NYAP2: variants seen among roughly 807,000 people sequenced by gnomAD.
NYAP2 encodes neuronal tyrosine-phosphorylated phosphoinositide-3-kinase adapter 2.
In NYAP2, 23 loss-of-function variants were observed where a neutral mutation model predicts 50.4. The ratio of observed to expected loss-of-function variants is 0.46; its 90% CI spans 0.33 to 0.65. The LOEUF (loss-of-function observed/expected upper bound fraction) is 0.65. Among genes scored for constraint, NYAP2 ranks in the 30% least tolerant of loss-of-function variants. The pLI is 0.02. For synonymous variants in NYAP2, 394 were observed against 365.2 expected (o/e 1.08, Z -0.90); for missense variants, 885 against 861.0 (o/e 1.03, Z -0.35).
chr2:225,517,409 T>G (rs1203864357), intron 4 of NYAP2, among the ~76,000 whole-genome samples: 1 of 152,116 alleles, frequency 6.6e-6, no homozygotes, highest in African/African-American at 2.4e-5. Context: ...TCCCCATTCC[T>G]CAGGTAAACA....
intron 3 of NYAP2, among the ~76,000 whole-genome samples, chr2:225,429,886 C>G (rs982835101): frequency 2.0e-5 from 3 of 152,210 alleles, no homozygotes; most frequent in African/African-American, 7.2e-5. Context: ...CCCAGCGTCA[C>G]ATGGTGCACA....
chr2:225,413,099 C>T (rs1262610120), intron 3 of NYAP2, among the ~76,000 whole-genome samples: 1 of 152,068 alleles, frequency 6.6e-6, no homozygotes, highest in Non-Finnish European at 1.5e-5. Flanking sequence ...TCCTACTCTC[C>T]CTCCCCCAAC....
At chr2:225,680,882 G>A in the NYAP2 span, among the ~76,000 whole-genome samples, 3 of 152,148 alleles carry the variant, frequency 2.0e-5, no homozygotes, top group African/African-American at 7.2e-5. Context: ...TTAAAGGTAT[G>A]ATGTATACTA....
intron 3 of NYAP2, among the ~76,000 whole-genome samples, chr2:225,438,850 G>A (rs1455461167): frequency 1.3e-5 from 2 of 152,180 alleles, no homozygotes; most frequent in South Asian, 2.1e-4. Context: ...AATACATAAA[G>A]TAAGACCTAC....
intron 5 of NYAP2, among the ~76,000 whole-genome samples, chr2:225,617,707 G>A (rs1455346016): frequency 6.6e-6 from 1 of 152,062 alleles, no homozygotes. Flanking sequence ...AACATTTATG[G>A]CTTAAGAAAA....
chr2:225,422,926 AT>A lies in NYAP2; in HGVS notation c.221+13826del, dbSNP rs1386526917. ...CTAGCTATCAGAAGCTCTCATTATT[AT>A]AAACAGATGTTATTAAAAGACACTA... On this transcript the variant is annotated intron_variant, in intron 3 of 6. Coordinates refer to ENST00000636099, the Ensembl canonical transcript of NYAP2. Among the ~76,000 whole-genome samples, 5 of 152,168 alleles carry A rather than the reference AT, an allele frequency of 3.3e-5. No individual in the cohort carries two copies. The East Asian group carries it at 9.6e-4, about 29-fold the overall frequency.
At chr2:225,492,000 C>T (rs1690415791) in intron 3 of NYAP2, among the ~76,000 whole-genome samples, 1 of 152,080 alleles carries the variant, frequency 6.6e-6, no homozygotes, top group African/African-American at 2.4e-5. Context: ...GGTGGTATGA[C>T]CCAAGGGGTG....
At chr2:225,624,984 A>G (rs551401886) in intron 5 of NYAP2, among the ~76,000 whole-genome samples, 138 of 149,676 alleles carry the variant, frequency 9.2e-4, no homozygotes, top group Non-Finnish European at 3.4e-4. Context: ...ATGGTGAACC[A>G]AAGTGTGACA....
intron 3 of NYAP2, among the ~76,000 whole-genome samples, chr2:225,512,206 T>A (rs1471035595): frequency 1.3e-5 from 2 of 152,220 alleles, no homozygotes; most frequent in Non-Finnish European, 2.9e-5. Flanking sequence ...TTTCTTATAT[T>A]TTAATATTTT....
intron 3 of NYAP2, among the ~76,000 whole-genome samples, chr2:225,494,254 A>G (rs1245601122): frequency 1.3e-5 from 2 of 152,312 alleles, no homozygotes; most frequent in East Asian, 3.9e-4. Flanking sequence ...CTCAATGACT[A>G]TGTCTCCCCA....
At chr2:225,658,883 C>A (rs977671743), downstream of NYAP2, among the ~76,000 whole-genome samples, 3 of 152,194 alleles carry the variant, frequency 2.0e-5, no homozygotes, top group Non-Finnish European at 1.5e-5. Flanking sequence ...AAGTAATTTA[C>A]ATATTATTTA....
At chr2:225,485,859 T>C (rs1690286750) in intron 3 of NYAP2, among the ~76,000 whole-genome samples, 1 of 151,772 alleles carries the variant, frequency 6.6e-6, no homozygotes, top group South Asian at 2.1e-4. Flanking sequence ...ACTGGATGAG[T>C]TTTTGCTGAT....
At chr2:225,629,352 A>C (rs1156263) in intron 6 of NYAP2, among the ~76,000 whole-genome samples, 145,135 of 152,254 alleles carry the variant, frequency 0.95, 69,281 homozygotes, top group African/African-American at 0.99. Context: ...CTTTACTTAG[A>C]CTAGTGATTC....
intron 5 of NYAP2, among the ~76,000 whole-genome samples, chr2:225,626,475 T>C (rs1250347293): frequency 6.6e-6 from 1 of 152,020 alleles, no homozygotes; most frequent in African/African-American, 2.4e-5. Context: ...AATGAGTGAG[T>C]AATCAAATAA....
chr2:225,678,814 C>G, the NYAP2 span, among the ~76,000 whole-genome samples: 2 of 152,104 alleles, frequency 1.3e-5, no homozygotes, highest in African/African-American at 4.8e-5. Context: ...TATGGAATTT[C>G]TGGGTTTAAC....
intron 3 of NYAP2, among the ~76,000 whole-genome samples, chr2:225,486,675 C>G (rs1038941555): frequency 3.9e-5 from 6 of 152,282 alleles, no homozygotes; most frequent in Admixed American, 2.6e-4. Context: ...GCAATTGTAG[C>G]TATTTTATAA....
chr2:225,620,901 G>C (rs1426349366), intron 5 of NYAP2, among the ~76,000 whole-genome samples: 1 of 152,082 alleles, frequency 6.6e-6, no homozygotes, highest in Non-Finnish European at 1.5e-5. Flanking sequence ...GGATCACGAG[G>C]GCGGGAGATC....
rs180983114 is a variant in NYAP2 at position 225,486,131 on chromosome 2, C to T, written c.222-27240C>T. On this transcript the variant is annotated intron_variant, in intron 3 of 6. Transcript: ENST00000636099. Reference sequence around the variant, plus strand: ...ACCCTTGAGCAAGGTGCGTGGTGCCCTGGCTGGAATAGCCATTATCCACCA... The same window carrying T: ...ACCCTTGAGCAAGGTGCGTGGTGCCTTGGCTGGAATAGCCATTATCCACCA... Among the ~76,000 whole-genome samples, 294 of 152,256 alleles carry T rather than the reference C, an allele frequency of 1.9e-3. 2 individuals are homozygous for T. Among genetic ancestry groups the T allele is most frequent in the African/African-American group, 6.8e-3 (282 of 41,546 alleles).
At chr2:225,665,211 A>G in the NYAP2 span, among the ~76,000 whole-genome samples, 3 of 151,294 alleles carry the variant, frequency 2.0e-5, no homozygotes, top group African/African-American at 7.3e-5. Flanking sequence ...TTTTTTTTCT[A>G]TAGTTCTGCC....
Sources: allele counts gnomAD v4.1 joint callset (sites outside exome capture counted in the v4.1 genomes callset), GRCh38; gene constraint gnomAD v4.1.1; transcripts MANE v1.5; gene names NCBI Gene and HGNC (gene_info 2026-07-23, HGNC 2026-07-21).